CDCP2: variants seen among roughly 807,000 people sequenced by gnomAD.
CDCP2 encodes the protein CUB domain containing protein 2, also known as CUB domain-containing protein 2.
Under a neutral mutation model 31.0 loss-of-function variants are expected in CDCP2, and 31 were observed. That is an observed-to-expected ratio of 1.00 (90% confidence interval 0.75 to 1.35). The LOEUF is 1.35. Ranked by LOEUF, CDCP2 falls within the 40% of genes most tolerant of loss-of-function variation. The probability of loss-of-function intolerance (pLI) is 0.00; values close to 1 mark genes in which losing one functional copy is unlikely to be tolerated. For synonymous variants in CDCP2, 206 were observed against 207.9 expected (o/e 0.99, Z 0.08); for missense variants, 443 against 482.6 (o/e 0.92, Z 0.77).
At chr1:54,134,679 G>T (rs187459335) in intron 5 of CDCP2, among the ~76,000 whole-genome samples, 2 of 152,276 alleles carry the variant, frequency 1.3e-5, no homozygotes, top group Non-Finnish European at 2.9e-5. Context: ...TTGGGGAAGG[G>T]TTGAACAGGT....
At chr1:54,144,800 C>T (rs1266288945) in exon 2 of CDCP2, 2 of 1,610,086 alleles carry the variant, frequency 1.2e-6, no homozygotes, top group African/African-American at 2.7e-5. Flanking sequence ...AGAGCACACC[C>T]CCACATTTGA....
intron 5 of CDCP2, 122 bp downstream of exon 5, chr1:54,136,508 G>C: frequency 2.5e-6 from 1 of 398,240 alleles, no homozygotes. Context: ...GAAGGGGTTA[G>C]CTCTGCATCC....
exon 5 of CDCP2, chr1:54,136,794 C>T (rs145043541): frequency 4.3e-5 from 17 of 399,254 alleles, no homozygotes; most frequent in East Asian, 2.1e-4. Context: ...GAGCAGCTCA[C>T]GTTCATGGGC....
At chr1:54,149,311 G>A in intron 1 of CDCP2, among the ~76,000 whole-genome samples, 1 of 151,856 alleles carries the variant, frequency 6.6e-6, no homozygotes, top group South Asian at 2.1e-4. Context: ...GTGTTTCTCT[G>A]TTAGAGACAC....
At chr1:54,139,646 G>GT (rs36013100) in intron 4 of CDCP2, 107 bp downstream of exon 4, 41 of 1,581,558 alleles carry the variant, frequency 2.6e-5, no homozygotes, top group South Asian at 6.7e-5. Flanking sequence ...GACCATTCAT[G>GT]GGGGGGGCAG....
chr1:54,150,243 G>A (rs1405396246), intron 1 of CDCP2, among the ~76,000 whole-genome samples: 4 of 152,192 alleles, frequency 2.6e-5, no homozygotes, highest in Non-Finnish European at 4.4e-5. Flanking sequence ...AGCCCTGGGG[G>A]TGGAACAAGG....
intron 2 of CDCP2, among the ~76,000 whole-genome samples, chr1:54,143,211 G>A (rs188598543): frequency 4.8e-4 from 73 of 152,022 alleles, no homozygotes; most frequent in African/African-American, 1.4e-3. Flanking sequence ...TGGGTGGCGC[G>A]CGCCTGTAAT....
chr1:54,135,279 G>A (rs1659240401), intron 5 of CDCP2, among the ~76,000 whole-genome samples: 1 of 152,178 alleles, frequency 6.6e-6, no homozygotes, highest in Admixed American at 6.5e-5. Context: ...GCTGTGGAGG[G>A]AGTCAAGTCT....
chr1:54,152,889 C>A, exon 1 of CDCP2: 1 of 1,614,196 alleles, frequency 6.2e-7, no homozygotes, highest in Admixed American at 1.7e-5. Context: ...AGTGCCACTG[C>A]CAGCAGCAGG....
intron 1 of CDCP2, among the ~76,000 whole-genome samples, chr1:54,146,959 C>A (rs571685076): frequency 5.3e-5 from 8 of 150,840 alleles, no homozygotes; most frequent in African/African-American, 2.0e-4. Context: ...GCCTGTAATC[C>A]CAGCTTCTCA....
rs946746303 is a variant in CDCP2 at position 54,147,602 on chromosome 1, G to A, written c.80-2789C>T. ...GGCTGGTCTCGAACTCCTGACCTCA[G>A]TTGATCTACCCTCCTGGGCATCTCA... is the stretch of plus-strand genomic sequence containing the variant. On this transcript the variant is annotated intron_variant, in intron 1 of 5. Coordinates refer to ENST00000530059, the Ensembl canonical transcript of CDCP2. Among the ~76,000 whole-genome samples, 57 of 151,910 alleles carry A rather than the reference G, an allele frequency of 3.8e-4. 2 individuals are homozygous for A. Among genetic ancestry groups the A allele is most frequent in the African/African-American group, 1.4e-3 (57 of 41,228 alleles).
At chr1:54,152,033 T>C (rs893393734) in intron 1 of CDCP2, among the ~76,000 whole-genome samples, 2 of 152,132 alleles carry the variant, frequency 1.3e-5, no homozygotes, top group South Asian at 4.1e-4. Context: ...GCCCAAGGGA[T>C]GCAGGAAACT....
intron 1 of CDCP2, among the ~76,000 whole-genome samples, chr1:54,151,405 C>T (rs763832681): frequency 6.6e-6 from 1 of 152,200 alleles, no homozygotes; most frequent in African/African-American, 2.4e-5. Flanking sequence ...TGTTATTGTC[C>T]TTCTCCCAGC....
At chr1:54,141,405 C>T (rs369214599) in exon 3 of CDCP2, 2 of 1,611,204 alleles carry the variant, frequency 1.2e-6, no homozygotes, top group African/African-American at 1.3e-5. Flanking sequence ...GGACCCCTGA[C>T]AGGCCAGTCA....
intron 2 of CDCP2, chr1:54,143,382 A>C (rs1201616883): frequency 6.6e-6 from 1 of 151,578 alleles, no homozygotes; most frequent in Non-Finnish European, 1.5e-5. Flanking sequence ...GAATAAATGC[A>C]TACCACTAAA....
chr1:54,147,647 G>A (rs904328804), intron 1 of CDCP2, among the ~76,000 whole-genome samples: 8 of 151,798 alleles, frequency 5.3e-5, no homozygotes, highest in Admixed American at 2.0e-4. Flanking sequence ...GATTACAGGC[G>A]TGAGCCACCG....
At chr1:54,134,745 TTG>T (rs58381161) in intron 5 of CDCP2, among the ~76,000 whole-genome samples, 78,813 of 138,038 alleles carry the variant, frequency 0.57, 21,957 homozygotes, top group Non-Finnish European at 0.66. Context: ...TTGTTTTGTT[TTG>T]TTTTTTGAGA....
chr1:54,139,434 T>C (rs636426), intron 4 of CDCP2: 24,604 of 1,094,356 alleles, frequency 0.022, 327 homozygotes, highest in Middle Eastern at 0.04. Flanking sequence ...CTATTTCCCC[T>C]GGATACAGGG....
intron 1 of CDCP2, among the ~76,000 whole-genome samples, chr1:54,145,228 C>T (rs1205101841): frequency 6.6e-6 from 1 of 152,086 alleles, no homozygotes; most frequent in Non-Finnish European, 1.5e-5. Context: ...GAGTTCGAGA[C>T]CAGCCTGGCC....
Sources: allele counts gnomAD v4.1 joint callset (sites outside exome capture counted in the v4.1 genomes callset), GRCh38; gene constraint gnomAD v4.1.1; transcripts MANE v1.5; gene names NCBI Gene and HGNC (gene_info 2026-07-23, HGNC 2026-07-21).